Variants in NIPSNAP3B observed in about 807,000 individuals in gnomAD.
NIPSNAP3B encodes the protein nipsnap homolog 3B.
In NIPSNAP3B, 30 loss-of-function variants were observed where a neutral mutation model predicts 31.5. The ratio of observed to expected loss-of-function variants is 0.95; its 90% CI spans 0.71 to 1.29. The LOEUF is 1.29. Among genes scored for constraint, NIPSNAP3B ranks in the 50% most tolerant of loss-of-function variants. The probability of loss-of-function intolerance (pLI) is 0.00; values close to 1 mark genes in which losing one functional copy is unlikely to be tolerated. For missense variants in NIPSNAP3B, 269 were observed against 300.7 expected (o/e 0.89, Z 0.78); for synonymous variants, 106 against 107.9 (o/e 0.98, Z 0.11).
chr9:104,770,433 AAGG>A (rs1828190503), intron 3 of NIPSNAP3B, among the ~76,000 whole-genome samples: 1 of 152,200 alleles, frequency 6.6e-6, no homozygotes, highest in East Asian at 1.9e-4. Context: ...CAAAATTGAA[AAGG>A]AGAAGGAAAT....
intron 2 of NIPSNAP3B, among the ~76,000 whole-genome samples, chr9:104,767,188 C>T (rs185680577): frequency 3.3e-5 from 5 of 152,078 alleles, no homozygotes; most frequent in African/African-American, 9.6e-5. Context: ...AACTTTTAAG[C>T]GTCACCCAAC....
In NIPSNAP3B at chr9:104,774,140, A is replaced by T. The variant is rs1280131232; in HGVS notation, c.*1067A>T. The T allele has an allele frequency of 1.3e-5, 2 of 152,158 alleles. No homozygotes were observed. Among genetic ancestry groups the T allele is most frequent in the East Asian group, 3.8e-4 (2 of 5,208 alleles). 9.4% of individuals were successfully genotyped at this position (152,158 alleles called of 1,614,324 possible). On this transcript the variant is annotated 3_prime_UTR_variant, in exon 6 of 6. Coordinates refer to ENST00000374762, the MANE Select transcript of NIPSNAP3B (RefSeq NM_018376.4). ...CTATATTATATTTACATTTTTACAG[A>T]CTATCTTCTGATAATCTGTATTTAC...
chr9:104,782,891 C>G, the NIPSNAP3B span: 1 of 150,792 alleles, frequency 6.6e-6, no homozygotes, highest in African/African-American at 2.4e-5. Flanking sequence ...TTACAGTGGG[C>G]TCCTACAACC....
intron 1 of NIPSNAP3B, among the ~76,000 whole-genome samples, chr9:104,765,560 G>A (rs769032951): frequency 3.0e-4 from 46 of 152,270 alleles, no homozygotes; most frequent in Non-Finnish European, 4.6e-4. Context: ...TACAAAGGGT[G>A]GTTCTTAAAG....
chr9:104,788,429 G>A, the NIPSNAP3B span: 2 of 1,614,118 alleles, frequency 1.2e-6, no homozygotes, highest in Non-Finnish European at 8.5e-7. Context: ...ACAGTACCTT[G>A]CCAACTTCTT....
chr9:104,770,797 A>C, intron 3 of NIPSNAP3B, 52 bp from the exon 4 acceptor site: 11 of 1,553,178 alleles, frequency 7.1e-6, no homozygotes, highest in Non-Finnish European at 8.9e-6. Context: ...AAACCTGGTT[A>C]GAAATTGTTT....
chr9:104,787,014 G>GA, the NIPSNAP3B span: 83 of 1,531,948 alleles, frequency 5.4e-5, no homozygotes, highest in East Asian at 1.8e-4. Flanking sequence ...TTGCTGGGGG[G>GA]AAAAAAAATC....
Position 104,764,234 on chromosome 9 carries a change from C to A in NIPSNAP3B, c.-7C>A. 1 of 1,600,736 alleles carries A rather than the reference C, an allele frequency of 6.2e-7. No homozygotes were observed. The highest frequency in any genetic ancestry group is 1.3e-5 in the African/African-American group (1 of 74,820). Reference sequence around the variant, plus strand: ...CTGGCTGCTTTTCTCAGTGCCGAAGCCGCGCCATGCTCGTTCTCAGAAGCG... The same window carrying A: ...CTGGCTGCTTTTCTCAGTGCCGAAGACGCGCCATGCTCGTTCTCAGAAGCG... On this transcript the variant is annotated 5_prime_UTR_variant, in exon 1 of 6. Transcript: ENST00000374762.
At chr9:104,787,944 G>A in the NIPSNAP3B span, 71 of 1,613,992 alleles carry the variant, frequency 4.4e-5, no homozygotes, top group Non-Finnish European at 5.3e-5. Flanking sequence ...GAGGCCCGCC[G>A]ATCAAAGCCA....
In NIPSNAP3B at chr9:104,766,360, C is replaced by T. The variant is rs775906437; in HGVS notation, c.96C>T (p.Tyr32=). 20 of 1,613,496 alleles carry T rather than the reference C, an allele frequency of 1.2e-5. No homozygotes were observed. In the South Asian group the frequency reaches 1.3e-4, roughly 11 times the overall value. ...CSSFATGPRQ[Y]DGTFYEFRTY... ...CTTTTGCTACGGGCCCTAGACAATA[C>T]GATGGAACGTTCTATGAATTTCGTA... Residue 32 remains tyrosine (Y), a synonymous_variant, in exon 2 of 6, where the codon TAC becomes TAT. Coordinates refer to ENST00000374762, the MANE Select transcript of NIPSNAP3B (RefSeq NM_018376.4).
chr9:104,778,324 A>G (rs1001366642), downstream of NIPSNAP3B, among the ~76,000 whole-genome samples: 2 of 151,966 alleles, frequency 1.3e-5, no homozygotes, highest in African/African-American at 4.8e-5. Context: ...TCCGCCTCCC[A>G]GGTGCAAGCG....
At chr9:104,772,742 C>T (rs1564059226) in intron 4 of NIPSNAP3B, 80 bp from the exon 5 acceptor site, 2 of 1,465,198 alleles carry the variant, frequency 1.4e-6, no homozygotes, top group Non-Finnish European at 1.9e-6. Context: ...AATAAGACAA[C>T]ATTTCTGATT....
chr9:104,776,396 T>C lies in NIPSNAP3B; in HGVS notation c.*3323T>C, dbSNP rs368602170. Among the ~76,000 whole-genome samples, 1 of 151,812 alleles carries C rather than the reference T, an allele frequency of 6.6e-6. No individual in the cohort carries two copies. The highest frequency in any genetic ancestry group is 2.4e-5 in the African/African-American group (1 of 41,320). On this transcript the variant is annotated 3_prime_UTR_variant, in exon 6 of 6. Transcript: ENST00000374762. ...ATCTGCTAGAGACTGAATGTTTTTG[T>C]CCCCCCAAAATTCCTATGTTGAAGC...
the NIPSNAP3B span, chr9:104,785,669 G>C: frequency 6.2e-7 from 1 of 1,612,888 alleles, no homozygotes; most frequent in Non-Finnish European, 8.5e-7. Context: ...CCCAAATGGA[G>C]GATCTCCAGA....
chr9:104,764,228 C>G lies in NIPSNAP3B; in HGVS notation c.-13C>G. 2 of 1,599,642 alleles carry G rather than the reference C, an allele frequency of 1.3e-6. No individual in the cohort carries two copies. The highest frequency in any genetic ancestry group is 1.7e-6 in the Non-Finnish European group (2 of 1,174,940). On this transcript the variant is annotated 5_prime_UTR_variant, in exon 1 of 6. Transcript: ENST00000374762. ...ACTCGGCTGGCTGCTTTTCTCAGTG[C>G]CGAAGCCGCGCCATGCTCGTTCTCA...
At chr9:104,781,290 G>C (rs533175999), downstream of NIPSNAP3B, 3 of 152,638 alleles carry the variant, frequency 2.0e-5, no homozygotes, top group East Asian at 1.9e-4. Flanking sequence ...TCATCTTAGG[G>C]TATAAGAAGG....
At position 104,771,024 on chromosome 9, in the gene NIPSNAP3B, A is replaced by G. The variant is rs758460437; in HGVS notation, c.580+26A>G. ...GTACAGTTGTCCATTTGTTCTATGAAGTTGCCATGTGTATTAGATCAGTTC... is the reference window on the plus strand; with the variant it reads ...GTACAGTTGTCCATTTGTTCTATGAGGTTGCCATGTGTATTAGATCAGTTC... On this transcript the variant is annotated intron_variant, in intron 4 of 5. Transcript: ENST00000374762. 1.9e-6 allele frequency: 3 copies of G among 1,610,294 alleles called. No homozygotes were observed. In the Admixed American group the frequency reaches 5.0e-5, roughly 27 times the overall value.
At chr9:104,780,676 T>C (rs1014998369), downstream of NIPSNAP3B, among the ~76,000 whole-genome samples, 1 of 152,194 alleles carries the variant, frequency 6.6e-6, no homozygotes, top group African/African-American at 2.4e-5. Context: ...CCTTTGTAGC[T>C]TCCCCTATAC....
chr9:104,767,772 T>C (rs1828119444), intron 2 of NIPSNAP3B, among the ~76,000 whole-genome samples: 1 of 152,184 alleles, frequency 6.6e-6, no homozygotes, highest in Non-Finnish European at 1.5e-5. Flanking sequence ...GTAAAGTCTT[T>C]ACAATTCACT....
Sources: gnomAD v4.1 joint callset for allele counts (sites outside exome capture counted in the v4.1 genomes callset) on GRCh38, gnomAD v4.1.1 for gene constraint, MANE v1.5 for transcripts, NCBI Gene and HGNC (gene_info 2026-07-23, HGNC 2026-07-21) for gene names.